Variants in CCDC171 observed in about 807,000 individuals in gnomAD.
CCDC171 encodes coiled-coil domain-containing protein 171.
Under a neutral mutation model 168.2 loss-of-function variants are expected in CCDC171, and 177 were observed. That is an observed-to-expected ratio of 1.05 (90% confidence interval 0.93 to 1.19). The LOEUF (loss-of-function observed/expected upper bound fraction) is 1.19. CCDC171 is among the 50% of genes most tolerant of loss of function. CCDC171 has a pLI of 0.00. For missense variants in CCDC171, 1,991 were observed against 1,539.0 expected, an observed-to-expected ratio of 1.29 and a Z score of -4.91; for synonymous variants, 687 against 540.8, an observed-to-expected ratio of 1.27 and a Z score of -3.75.
At chr9:15,944,109 A>G (rs1051021736) in intron 25 of CCDC171, among the ~76,000 whole-genome samples, 5 of 152,024 alleles carry the variant, frequency 3.3e-5, no homozygotes, top group African/African-American at 1.2e-4. Context: ...AAATATACCC[A>G]TATACATACC....
At chr9:16,041,179 G>T (rs1208650394), upstream of CCDC171, among the ~76,000 whole-genome samples, 3 of 152,214 alleles carry the variant, frequency 2.0e-5, no homozygotes, top group Non-Finnish European at 4.4e-5. Context: ...CTTTGCCACA[G>T]GGGCTCAGAG....
intron 8 of CCDC171, among the ~76,000 whole-genome samples, chr9:15,660,935 C>T (rs2048266498): frequency 6.6e-6 from 1 of 152,196 alleles, no homozygotes; most frequent in East Asian, 1.9e-4. Flanking sequence ...TACATTCCCA[C>T]CAATAATATA....
intron 18 of CCDC171, among the ~76,000 whole-genome samples, chr9:15,757,562 G>C (rs1227603210): frequency 6.6e-6 from 1 of 152,220 alleles, no homozygotes; most frequent in Non-Finnish European, 1.5e-5. Flanking sequence ...CCAATTTTCT[G>C]AGGAGAAATT....
At position 15,815,350 on chromosome 9, in the gene CCDC171, C is replaced by A. The variant is rs186015142; in HGVS notation, c.3267+30656C>A. ...TTCTCAAAAGTTAATTACATTTAGA[C>A]CATGCATGGGGAAGAAGAATTACTT... On this transcript the variant is annotated intron_variant, in intron 21 of 25. Coordinates refer to ENST00000380701, the MANE Select transcript of CCDC171 (RefSeq NM_173550.4). Among the ~76,000 whole-genome samples the A allele has an allele frequency of 4.9e-4, 24 of 48,936 alleles. 4 individuals carry two copies. In the East Asian group the frequency reaches 8.0e-3, roughly 16 times the overall value. The allele number at this position is 48,936 out of a possible 152,430, so 32.1% of individuals were successfully genotyped here.
At chr9:15,739,243 C>T (rs977322847) in intron 16 of CCDC171, among the ~76,000 whole-genome samples, 2 of 152,036 alleles carry the variant, frequency 1.3e-5, no homozygotes, top group African/African-American at 2.4e-5. Flanking sequence ...TAGGGGAGAT[C>T]GAAGGCAAAG....
At chr9:15,654,303 G>A (rs2047754930) in intron 7 of CCDC171, among the ~76,000 whole-genome samples, 1 of 151,994 alleles carries the variant, frequency 6.6e-6, no homozygotes, top group Non-Finnish European at 1.5e-5. Context: ...CATTGTAAAA[G>A]AATATTTTGT....
intron 11 of CCDC171, among the ~76,000 whole-genome samples, chr9:15,719,702 G>A (rs1192691496): frequency 6.6e-6 from 1 of 152,010 alleles, no homozygotes; most frequent in East Asian, 1.9e-4. Context: ...AGTAAGGAGA[G>A]GGCATTTTGT....
intron 23 of CCDC171, among the ~76,000 whole-genome samples, chr9:15,873,870 A>ATT (rs1817506321): frequency 6.6e-6 from 1 of 152,114 alleles, no homozygotes; most frequent in African/African-American, 2.4e-5. Context: ...AATACTTAAA[A>ATT]TAGAGTACAA....
Position 15,695,220 on chromosome 9 carries a change from T to C in CCDC171, c.1216-15T>C, listed in dbSNP as rs2051124146. 6.3e-7 allele frequency: 1 copy of C among 1,591,546 alleles called. No individual in the cohort carries two copies. The highest frequency in any genetic ancestry group is 8.6e-7 in the Non-Finnish European group (1 of 1,159,736). ...AATACGTGACCTTATGTGTAATTTT[T>C]TTCTTAATTAAAAGGCTAAGAAGCA... On this transcript the variant is annotated splice_polypyrimidine_tract_variant and intron_variant, in intron 10 of 25. Coordinates refer to ENST00000380701, the MANE Select transcript of CCDC171 (RefSeq NM_173550.4).
In CCDC171 at chr9:16,059,705, G is replaced by A. The variant is rs1216994124; in HGVS notation, n.90-941G>A. ...AATTTTTTGTATTTTTAGTAGAGAC[G>A]GGGTTTCACCTTGTTAGCCAGGATG... is the stretch of plus-strand genomic sequence containing the variant. On this transcript the variant is annotated intron_variant and non_coding_transcript_variant, in intron 1 of 1. Coordinates refer to the CCDC171 transcript ENST00000478913. Among the ~76,000 whole-genome samples the A allele has an allele frequency of 5.3e-5, 8 of 150,120 alleles. 1 individual carries two copies. The South Asian group carries it at 6.4e-4, about 12-fold the overall frequency.
intron 25 of CCDC171, among the ~76,000 whole-genome samples, 169 bp downstream of exon 25, chr9:15,920,591 G>A (rs913201612): frequency 6.6e-6 from 1 of 151,542 alleles, no homozygotes; most frequent in Admixed American, 6.6e-5. Context: ...AAGAAGAAAA[G>A]CAATTAATTT....
intron 2 of CCDC171, among the ~76,000 whole-genome samples, chr9:15,566,958 A>C (rs1002043269): frequency 1.3e-5 from 2 of 152,140 alleles, no homozygotes; most frequent in Non-Finnish European, 2.9e-5. Flanking sequence ...CTTCTGTTGA[A>C]AATTACTTAA....
chr9:15,560,549 A>T (rs1031477310), intron 1 of CCDC171, among the ~76,000 whole-genome samples: 6 of 152,118 alleles, frequency 3.9e-5, no homozygotes, highest in African/African-American at 1.4e-4. Context: ...TTCGTCACAT[A>T]GTTCTCTTGC....
intron 15 of CCDC171, 27 bp downstream of exon 15, chr9:15,728,063 T>C: frequency 6.4e-7 from 1 of 1,564,206 alleles, no homozygotes; most frequent in Non-Finnish European, 8.7e-7. Context: ...ACCAGATACC[T>C]CTATTAAATT....
chr9:15,880,461 CTCTT>C (rs1211314310), intron 24 of CCDC171, among the ~76,000 whole-genome samples: 2 of 62,002 alleles, frequency 3.2e-5, no homozygotes. Context: ...CTCTCTCTCT[CTCTT>C]TTTTTTTTTT....
chr9:15,923,174 G>T (rs1825538043), intron 25 of CCDC171, among the ~76,000 whole-genome samples: 1 of 151,282 alleles, frequency 6.6e-6, no homozygotes, highest in South Asian at 2.1e-4. Flanking sequence ...CTTTCTTCTA[G>T]TAGTTTCAGA....
chr9:15,671,760 G>A (rs894203915), intron 9 of CCDC171, among the ~76,000 whole-genome samples: 2 of 152,088 alleles, frequency 1.3e-5, no homozygotes, highest in African/African-American at 4.8e-5. Flanking sequence ...GTCTATCATT[G>A]ATGGACATTT....
intron 23 of CCDC171, among the ~76,000 whole-genome samples, chr9:15,860,216 C>G (rs948350156): frequency 3.3e-5 from 5 of 151,170 alleles, no homozygotes; most frequent in East Asian, 2.0e-4. Context: ...AAAATATAAA[C>G]TCTTAGTTTT....
At chr9:15,698,955 C>A (rs1034610507) in intron 11 of CCDC171, among the ~76,000 whole-genome samples, 1 of 152,032 alleles carries the variant, frequency 6.6e-6, no homozygotes, top group Non-Finnish European at 1.5e-5. Flanking sequence ...TGCAGGTATC[C>A]CTTTGATATA....
Sources: gnomAD v4.1 joint callset for allele counts (sites outside exome capture counted in the v4.1 genomes callset) on GRCh38, gnomAD v4.1.1 for gene constraint, MANE v1.5 for transcripts, NCBI Gene and HGNC (gene_info 2026-07-23, HGNC 2026-07-21) for gene names.